Variants in AASS observed in about 807,000 individuals in gnomAD.
The protein encoded by AASS is alpha-aminoadipic semialdehyde synthase, mitochondrial.
A neutral mutation model predicts 105.4 loss-of-function variants in AASS; 86 were observed. That is an observed-to-expected ratio of 0.82 (90% confidence interval 0.69 to 0.98). AASS has a LOEUF of 0.98. Ranked by LOEUF, AASS falls within the 50% of genes least tolerant of loss-of-function variation. The pLI is 0.00. For missense variants in AASS, 1,048 were observed against 1,143.2 expected (o/e 0.92, Z 1.20); for synonymous variants, 381 against 394.8 (o/e 0.96, Z 0.41).
intron 1 of AASS, among the ~76,000 whole-genome samples, chr7:122,141,468 T>G (rs1339800024): frequency 6.6e-6 from 1 of 152,114 alleles, no homozygotes; most frequent in Non-Finnish European, 1.5e-5. Context: ...GTGTATGAGT[T>G]GTGTTTTACT....
chr7:122,133,540 T>G lies in AASS; in HGVS notation c.187A>C (p.Asn63His). 2 of 1,614,204 alleles carry G rather than the reference T, an allele frequency of 1.2e-6. No individual in the cohort carries two copies. Among genetic ancestry groups the G allele is most frequent in the Non-Finnish European group, 1.7e-6 (2 of 1,180,030 alleles). ...LGYKVLIQPS[N>H]RRAIHDKDYV... is the part of the protein sequence containing the mutation. ...ACCTTATCATGAATGGCCCGCCGAT[T>G]CGAAGGCTGTATCAAGACCTTGTAT... The change falls in exon 2 of 24, where the codon AAT becomes CAT. Residue 63 changes from asparagine (N) to histidine (H), a missense_variant. Asn to His is a moderately conservative substitution (Grantham distance 68). Coordinates refer to ENST00000417368, the MANE Select transcript of AASS (RefSeq NM_005763.4).
intron 15 of AASS, among the ~76,000 whole-genome samples, 164 bp from the exon 16 acceptor site, chr7:122,093,322 G>A (rs1282986220): frequency 6.6e-6 from 1 of 152,182 alleles, no homozygotes; most frequent in Non-Finnish European, 1.5e-5. Context: ...AATTAGTTCA[G>A]CTGCTACAGA....
chr7:122,142,556 A>AT, intron 1 of AASS, among the ~76,000 whole-genome samples: 1 of 152,222 alleles, frequency 6.6e-6, no homozygotes, highest in Middle Eastern at 3.4e-3. Flanking sequence ...ATTTAAGACA[A>AT]TTTTTTTACA....
rs549129100 is a variant in AASS, at chr7:122,075,245, C to G, written c.*1244G>C. On this transcript the variant is annotated 3_prime_UTR_variant, in exon 24 of 24. Coordinates refer to ENST00000417368, the MANE Select transcript of AASS (RefSeq NM_005763.4). ...CATTGATACTATATTGAAAGATAACCAATTTCTGCATATTTAATCCTGTAT... is the reference window on the plus strand; with the variant it reads ...CATTGATACTATATTGAAAGATAACGAATTTCTGCATATTTAATCCTGTAT... 2.6e-5 allele frequency among the ~76,000 whole-genome samples: 4 copies of G among 152,242 alleles called. No homozygotes were observed. Among genetic ancestry groups the G allele is most frequent in the African/African-American group, 9.6e-5 (4 of 41,526 alleles).
intron 15 of AASS, among the ~76,000 whole-genome samples, chr7:122,096,289 TA>T (rs1794150781): frequency 6.6e-6 from 1 of 152,144 alleles, no homozygotes; most frequent in African/African-American, 2.4e-5. Flanking sequence ...CATTTTTTTG[TA>T]GTCCCTATCA....
Position 122,134,002 on chromosome 7 carries a change from C to G in AASS, c.-15-261G>C, listed in dbSNP as rs1418031084. On this transcript the variant is annotated intron_variant, in intron 1 of 23. Transcript: ENST00000417368. ...TCCAATAACTGCTAAGCTAAAATAGCTTTTTAAATACACATTTTATCAAAC... is the reference window on the plus strand; with the variant it reads ...TCCAATAACTGCTAAGCTAAAATAGGTTTTTAAATACACATTTTATCAAAC... 3.3e-5 allele frequency among the ~76,000 whole-genome samples: 5 copies of G among 152,116 alleles called. No individual in the cohort carries two copies. The East Asian group carries it at 9.6e-4, about 29-fold the overall frequency.
At chr7:122,092,433 T>G (rs1453778642) in intron 17 of AASS, among the ~76,000 whole-genome samples, 1 of 152,126 alleles carries the variant, frequency 6.6e-6, no homozygotes, top group Non-Finnish European at 1.5e-5. Flanking sequence ...TTGGACATTG[T>G]TTTCCTGTAT....
rs543085982 is a variant in AASS at position 122,075,138 on chromosome 7, T to C, written c.*1351A>G. 4.6e-5 allele frequency among the ~76,000 whole-genome samples: 7 copies of C among 152,330 alleles called. No individual in the cohort carries two copies. The South Asian group carries it at 8.3e-4, about 18-fold the overall frequency. ...GTCTTTCTGCCTCAGACTCCCAAAG[T>C]GTTGGGATTACAGGCACAAGCCACC... On this transcript the variant is annotated 3_prime_UTR_variant, in exon 24 of 24. Transcript: ENST00000417368.
At chr7:122,105,462 T>C (rs958407469) in intron 11 of AASS, among the ~76,000 whole-genome samples, 1 of 152,060 alleles carries the variant, frequency 6.6e-6, no homozygotes, top group Non-Finnish European at 1.5e-5. Context: ...CTCTCCAGAA[T>C]AGACCATATG....
At chr7:122,126,977 G>A (rs1320454220) in intron 3 of AASS, among the ~76,000 whole-genome samples, 1 of 152,002 alleles carries the variant, frequency 6.6e-6, no homozygotes, top group Non-Finnish European at 1.5e-5. Context: ...CTTCTACCTG[G>A]AAAATAACAC....
intron 19 of AASS, among the ~76,000 whole-genome samples, chr7:122,081,991 CA>C (rs1207001248): frequency 1.3e-5 from 2 of 152,070 alleles, no homozygotes; most frequent in Non-Finnish European, 2.9e-5. Flanking sequence ...GTCAGCTCAG[CA>C]GAGTATTATT....
intron 4 of AASS, among the ~76,000 whole-genome samples, chr7:122,120,251 A>G (rs1795381600): frequency 6.6e-6 from 1 of 152,174 alleles, no homozygotes; most frequent in Non-Finnish European, 1.5e-5. Flanking sequence ...AGTGGAATTT[A>G]GTTTGTACCT....
intron 9 of AASS, among the ~76,000 whole-genome samples, 198 bp downstream of exon 9, chr7:122,114,876 T>C (rs1228783666): frequency 6.6e-6 from 1 of 151,884 alleles, no homozygotes. Flanking sequence ...ACCCCATCTC[T>C]AAAGATAAAT....
chr7:122,118,908 C>T lies in AASS; in HGVS notation c.473-278G>A, dbSNP rs73426027. ...AAGGCTAATCTCTCCACCTTGGCTC[C>T]GGATCCCATCCCTTCCTGTCACCCA... On this transcript the variant is annotated intron_variant, in intron 4 of 23. Coordinates refer to ENST00000417368, the MANE Select transcript of AASS (RefSeq NM_005763.4). Among the ~76,000 whole-genome samples the T allele has an allele frequency of 4.2e-3, 639 of 152,258 alleles. 7 individuals are homozygous for T. The highest frequency in any genetic ancestry group is 0.014 in the African/African-American group (600 of 41,544).
chr7:122,136,145 A>G (rs1360609316), intron 1 of AASS, among the ~76,000 whole-genome samples: 1 of 152,344 alleles, frequency 6.6e-6, no homozygotes, highest in East Asian at 1.9e-4. Flanking sequence ...AAAAGCTTGC[A>G]TGAAACACAT....
chr7:122,095,313 A>G (rs1427510810), intron 15 of AASS, among the ~76,000 whole-genome samples: 2 of 152,174 alleles, frequency 1.3e-5, no homozygotes, highest in East Asian at 3.9e-4. Flanking sequence ...CTGTGGTATA[A>G]TAATTTGGCT....
chr7:122,073,930 G>T lies in AASS; in HGVS notation c.*2559C>A, dbSNP rs1474603520. 4.6e-5 allele frequency among the ~76,000 whole-genome samples: 7 copies of T among 151,934 alleles called. No homozygotes were observed. Among genetic ancestry groups the T allele is most frequent in the Non-Finnish European group, 1.0e-4 (7 of 68,002 alleles). On this transcript the variant is annotated 3_prime_UTR_variant, in exon 24 of 24. Coordinates refer to ENST00000417368, the MANE Select transcript of AASS (RefSeq NM_005763.4). ...GTACTTCATCTCTTTTTTTATTGCT[G>T]AATAATATTCCTTGTATGGATATGC...
At chr7:122,084,688 C>A (rs1289256664) in intron 19 of AASS, among the ~76,000 whole-genome samples, 2 of 151,842 alleles carry the variant, frequency 1.3e-5, no homozygotes, top group African/African-American at 2.4e-5. Context: ...AGGAAAAGTT[C>A]CAGGCAAAAG....
At chr7:122,140,824 A>G (rs1796360539) in intron 1 of AASS, among the ~76,000 whole-genome samples, 1 of 152,064 alleles carries the variant, frequency 6.6e-6, no homozygotes, top group African/African-American at 2.4e-5. Context: ...GATGAAGAAA[A>G]TAAGTTCAAG....
Sources: allele counts gnomAD v4.1 joint callset (sites outside exome capture counted in the v4.1 genomes callset), GRCh38; gene constraint gnomAD v4.1.1; transcripts MANE v1.5; gene names NCBI Gene and HGNC (gene_info 2026-07-23, HGNC 2026-07-21).